Variants in SH3GL1 observed in about 807,000 individuals in gnomAD.
SH3GL1 encodes the protein endophilin-A2.
In SH3GL1, 21 loss-of-function variants were observed where a neutral mutation model predicts 48.8. The ratio of observed to expected loss-of-function variants is 0.43; its 90% CI spans 0.30 to 0.62. The LOEUF (loss-of-function observed/expected upper bound fraction) is 0.62. Ranked by LOEUF, SH3GL1 falls within the 20% of genes least tolerant of loss-of-function variation. The pLI is 0.11. For synonymous variants in SH3GL1, 282 were observed against 217.5 expected (o/e 1.30, Z -2.61); for missense variants, 454 against 503.0 (o/e 0.90, Z 0.93).
At position 4,365,537 on chromosome 19, in the gene SH3GL1, A is replaced by G. The variant is rs61733020; in HGVS notation, c.276T>C (p.Leu92=). Reference sequence around the variant, plus strand: ...CGTGGCGGATCATGCACTCGCCCAGAAGCCCCTCCGACTGCGGGTAGCCGG... The same window carrying G: ...CGTGGCGGATCATGCACTCGCCCAGGAGCCCCTCCGACTGCGGGTAGCCGG... ...KNPGYPQSEG[L]LGECMIRHGK... Residue 92 remains leucine, a synonymous_variant, in exon 4 of 10, where the codon CTT becomes CTC. Coordinates refer to ENST00000269886, the MANE Select transcript of SH3GL1 (RefSeq NM_003025.4). The G allele has an allele frequency of 8.4e-4, 1,362 of 1,614,006 alleles. 6 individuals carry two copies. In the African/African-American group the frequency reaches 0.01, roughly 12 times the overall value.
chr19:4,369,595 G>C (rs926872374), intron 1 of SH3GL1, among the ~76,000 whole-genome samples: 3 of 152,178 alleles, frequency 2.0e-5, no homozygotes, highest in Non-Finnish European at 4.4e-5. Flanking sequence ...GACCCGCCAC[G>C]GTACCAAAGA....
intron 1 of SH3GL1, among the ~76,000 whole-genome samples, chr19:4,385,828 C>T (rs1438907135): frequency 1.3e-5 from 2 of 152,210 alleles, no homozygotes; most frequent in Non-Finnish European, 2.9e-5. Flanking sequence ...GGCCTCCGAG[C>T]CAGCCTCTGC....
At chr19:4,399,646 GCC>G (rs35263300) in intron 1 of SH3GL1, among the ~76,000 whole-genome samples, 1 of 133,662 alleles carries the variant, frequency 7.5e-6, no homozygotes, top group South Asian at 2.5e-4. Flanking sequence ...GAACAATCCA[GCC>G]CCAGATGTCA....
intron 7 of SH3GL1, among the ~76,000 whole-genome samples, 172 bp downstream of exon 7, chr19:4,363,198 C>A (rs573463078): frequency 2.2e-4 from 33 of 152,288 alleles, no homozygotes; most frequent in Middle Eastern, 3.4e-3. Context: ...GTTCTCAGAG[C>A]CCCAGCTCCT....
chr19:4,366,814 G>T, intron 2 of SH3GL1, 112 bp downstream of exon 2: 2 of 1,114,338 alleles, frequency 1.8e-6, no homozygotes, highest in Non-Finnish European at 2.7e-6. Flanking sequence ...CACCTGCCGG[G>T]CCCCATCACT....
At chr19:4,388,086 C>G (rs1334766107) in intron 1 of SH3GL1, among the ~76,000 whole-genome samples, 5 of 151,904 alleles carry the variant, frequency 3.3e-5, no homozygotes, top group Admixed American at 6.6e-5. Flanking sequence ...GTCTCAAACT[C>G]CTGACCTTGT....
At chr19:4,379,439 A>T (rs116277348) in intron 1 of SH3GL1, among the ~76,000 whole-genome samples, 1,683 of 148,802 alleles carry the variant, frequency 0.011, 33 homozygotes, top group African/African-American at 0.04. Context: ...AAAAAAAAAA[A>T]AATAAAGCAG....
chr19:4,398,093 G>A (rs1450103158), intron 1 of SH3GL1, among the ~76,000 whole-genome samples: 4 of 152,022 alleles, frequency 2.6e-5, no homozygotes, highest in Non-Finnish European at 4.4e-5. Flanking sequence ...GGGAACCCCT[G>A]CCTCAGCCTT....
chr19:4,393,256 G>A (rs113409225), intron 1 of SH3GL1, among the ~76,000 whole-genome samples: 7,142 of 151,718 alleles, frequency 0.047, 349 homozygotes, highest in African/African-American at 0.12. Context: ...GTGAGACTCC[G>A]TCTCAAAAAC....
At chr19:4,391,439 A>G (rs924711573) in intron 1 of SH3GL1, among the ~76,000 whole-genome samples, 12 of 152,240 alleles carry the variant, frequency 7.9e-5, no homozygotes, top group African/African-American at 2.4e-5. Context: ...CGGAGCCCCA[A>G]CTGGTCTTTG....
chr19:4,370,463 A>G (rs1187143396), intron 1 of SH3GL1, among the ~76,000 whole-genome samples: 1 of 152,168 alleles, frequency 6.6e-6, no homozygotes, highest in African/African-American at 2.4e-5. Flanking sequence ...CTCAGGGGTG[A>G]GACCACCCTC....
intron 1 of SH3GL1, among the ~76,000 whole-genome samples, chr19:4,392,102 C>T (rs1320021985): frequency 2.7e-5 from 4 of 150,200 alleles, no homozygotes; most frequent in East Asian, 1.9e-4. Context: ...TTGTCCCGGG[C>T]ACAGCCTCTG....
intron 3 of SH3GL1, 52 bp from the exon 4 acceptor site, chr19:4,365,677 C>A (rs745625205): frequency 6.2e-7 from 1 of 1,608,288 alleles, no homozygotes; most frequent in Admixed American, 1.7e-5. Context: ...CACTCCTCTG[C>A]CCTGGCAGAC....
At chr19:4,371,889 G>A (rs1264296957) in intron 1 of SH3GL1, among the ~76,000 whole-genome samples, 2 of 152,262 alleles carry the variant, frequency 1.3e-5, no homozygotes, top group Non-Finnish European at 2.9e-5. Context: ...CAGACCACAG[G>A]GGCCTCGCCC....
chr19:4,370,123 C>T (rs1429215334), intron 1 of SH3GL1, among the ~76,000 whole-genome samples: 5 of 152,228 alleles, frequency 3.3e-5, no homozygotes, highest in South Asian at 4.1e-4. Flanking sequence ...CCTCTGGGCT[C>T]GCTGTCAGGA....
intron 1 of SH3GL1, chr19:4,395,404 T>C (rs1973407767): frequency 6.6e-6 from 1 of 152,236 alleles, no homozygotes; most frequent in South Asian, 2.1e-4. Flanking sequence ...ACATGGTTAT[T>C]CTGAGAGTCA....
At chr19:4,384,368 A>G (rs1048009465) in intron 1 of SH3GL1, among the ~76,000 whole-genome samples, 18 of 152,206 alleles carry the variant, frequency 1.2e-4, no homozygotes, top group Admixed American at 9.8e-4. Flanking sequence ...GGTTGAAATA[A>G]CACACTTTAC....
At chr19:4,374,313 GC>G (rs1972962916) in intron 1 of SH3GL1, among the ~76,000 whole-genome samples, 1 of 152,186 alleles carries the variant, frequency 6.6e-6, no homozygotes, top group Non-Finnish European at 1.5e-5. Flanking sequence ...GGGGCCAGGG[GC>G]CAGCTCTGTG....
intron 1 of SH3GL1, among the ~76,000 whole-genome samples, chr19:4,377,194 T>G (rs1322369277): frequency 6.6e-6 from 1 of 152,154 alleles, no homozygotes; most frequent in Non-Finnish European, 1.5e-5. Flanking sequence ...GCTACCACAT[T>G]TGGGCAGTTT....
Sources: allele counts gnomAD v4.1 joint callset (sites outside exome capture counted in the v4.1 genomes callset), GRCh38; gene constraint gnomAD v4.1.1; transcripts MANE v1.5; gene names NCBI Gene and HGNC (gene_info 2026-07-23, HGNC 2026-07-21).